HSD17B4: variants seen among roughly 807,000 people sequenced by gnomAD.
HSD17B4 encodes peroxisomal multifunctional enzyme type 2.
HSD17B4 carries 70 observed loss-of-function variants against 101.0 expected under a neutral mutation model. The ratio of observed to expected loss-of-function variants is 0.69; its 90% CI spans 0.57 to 0.85. The LOEUF is 0.85. HSD17B4 is among the 40% of genes least tolerant of loss of function. HSD17B4 has a pLI of 0.00. For missense variants in HSD17B4, 984 were observed against 892.4 expected, an observed-to-expected ratio of 1.10 and a Z score of -1.31; for synonymous variants, 347 against 297.1, an observed-to-expected ratio of 1.17 and a Z score of -1.73.
At chr5:119,536,057 T>C (rs1754506375) in intron 22 of HSD17B4, 1 of 265,982 alleles carries the variant, frequency 3.8e-6, no homozygotes, top group Non-Finnish European at 7.3e-6. Context: ...GTAAGATGCC[T>C]GTAATGAATT....
intron 17 of HSD17B4, among the ~76,000 whole-genome samples, chr5:119,522,329 C>G (rs1315871789): frequency 1.3e-5 from 2 of 152,098 alleles, no homozygotes; most frequent in African/African-American, 2.4e-5. Context: ...TTAATCCAGT[C>G]TATCATTGTT....
At chr5:119,514,726 G>A (rs1457198541) in intron 16 of HSD17B4, among the ~76,000 whole-genome samples, 3 of 152,054 alleles carry the variant, frequency 2.0e-5, no homozygotes, top group Admixed American at 2.0e-4. Context: ...CTCCATTGTG[G>A]CCTGGAGGAT....
At chr5:119,459,275 C>T (rs975276358) in intron 2 of HSD17B4, among the ~76,000 whole-genome samples, 1 of 152,134 alleles carries the variant, frequency 6.6e-6, no homozygotes, top group Non-Finnish European at 1.5e-5. Context: ...TTATAGCTGT[C>T]TTAGCTAACT....
At position 119,490,196 on chromosome 5, in the gene HSD17B4, A is replaced by G. The variant is rs574328719; in HGVS notation, c.714+913A>G. Among the ~76,000 whole-genome samples the G allele has an allele frequency of 6.4e-4, 98 of 152,280 alleles. 2 individuals are homozygous for G. The highest frequency in any genetic ancestry group is 6.8e-3 in the Middle Eastern group (2 of 294). On this transcript the variant is annotated intron_variant, in intron 9 of 23. Coordinates refer to ENST00000510025, the MANE Select transcript of HSD17B4 (RefSeq NM_000414.4). ...AGTTTGCATATCTCTGAGCAGATATATGCACCTCCACTTTCCTAATCACAG... is the reference window on the plus strand; with the variant it reads ...AGTTTGCATATCTCTGAGCAGATATGTGCACCTCCACTTTCCTAATCACAG...
At chr5:119,510,104 T>C (rs1752037820) in intron 16 of HSD17B4, among the ~76,000 whole-genome samples, 1 of 152,200 alleles carries the variant, frequency 6.6e-6, no homozygotes, top group African/African-American at 2.4e-5. Context: ...TACTTTGAAA[T>C]TGTGTGTGTT....
chr5:119,462,265 T>C, intron 2 of HSD17B4, among the ~76,000 whole-genome samples: 2 of 124,046 alleles, frequency 1.6e-5, no homozygotes, highest in African/African-American at 6.9e-5. Context: ...TTTTTTTTTT[T>C]TTTTTTTTTT....
chr5:119,495,514 A>G lies in HSD17B4; in HGVS notation c.869-1029A>G, dbSNP rs906065941. 5.9e-5 allele frequency among the ~76,000 whole-genome samples: 9 copies of G among 152,146 alleles called. 1 individual carries two copies. The highest frequency in any genetic ancestry group is 1.2e-4 in the African/African-American group (5 of 41,444). ...AGCCAAGAAGTAATTCATGTTGTCT[A>G]TTTCTGGAAGGAGGTGGCTTTCAAC... On this transcript the variant is annotated intron_variant, in intron 11 of 23. Transcript: ENST00000510025.
At chr5:119,455,496 G>T (rs1167777002) in intron 1 of HSD17B4, among the ~76,000 whole-genome samples, 1 of 150,888 alleles carries the variant, frequency 6.6e-6, no homozygotes, top group Non-Finnish European at 1.5e-5. Context: ...CAGCCTGGGC[G>T]ACAGAGTGAG....
At chr5:119,530,714 T>G (rs940886130) in intron 21 of HSD17B4, among the ~76,000 whole-genome samples, 2 of 151,068 alleles carry the variant, frequency 1.3e-5, no homozygotes, top group Non-Finnish European at 3.0e-5. Context: ...TTAGCCAGCC[T>G]TGGTGGCAGG....
chr5:119,489,079 C>A, intron 8 of HSD17B4, 113 bp from the exon 9 acceptor site: 1 of 736,172 alleles, frequency 1.4e-6, no homozygotes, highest in Non-Finnish European at 2.4e-6. Flanking sequence ...TAGTTATATA[C>A]ATACTAATTT....
chr5:119,506,458 A>G (rs980815939), intron 14 of HSD17B4, among the ~76,000 whole-genome samples: 12 of 152,196 alleles, frequency 7.9e-5, no homozygotes, highest in African/African-American at 2.9e-4. Flanking sequence ...GCTATTGTGA[A>G]TAGTGCCACA....
intron 22 of HSD17B4, 158 bp from the exon 23 acceptor site, chr5:119,536,265 A>G (rs1258373645): frequency 1.4e-6 from 1 of 695,358 alleles, no homozygotes; most frequent in Non-Finnish European, 2.4e-6. Context: ...TTTTTTTCTA[A>G]ATGACAGATA....
chr5:119,541,774 A>G (rs1755013605), intron 23 of HSD17B4, 131 bp from the exon 24 acceptor site: 1 of 663,038 alleles, frequency 1.5e-6, no homozygotes, highest in African/African-American at 1.8e-5. Context: ...TCATTGCTAA[A>G]TAAAGGTTGC....
intron 20 of HSD17B4, among the ~76,000 whole-genome samples, chr5:119,527,635 A>G (rs187961262): frequency 2.9e-3 from 442 of 152,198 alleles, no homozygotes; most frequent in Non-Finnish European, 4.7e-3. Flanking sequence ...TTAATGAAGG[A>G]TCTTGCAATA....
intron 1 of HSD17B4, among the ~76,000 whole-genome samples, chr5:119,455,003 A>G (rs1019882622): frequency 1.3e-5 from 2 of 152,258 alleles, no homozygotes; most frequent in Non-Finnish European, 2.9e-5. Context: ...TATACTAAAT[A>G]TAAATTGTTA....
chr5:119,482,045 T>G (rs976548987), intron 8 of HSD17B4, among the ~76,000 whole-genome samples: 5 of 152,134 alleles, frequency 3.3e-5, no homozygotes, highest in African/African-American at 1.2e-4. Context: ...TGTGGTTTGG[T>G]GTCTGTCATT....
At chr5:119,484,726 G>T (rs1749458463) in intron 8 of HSD17B4, among the ~76,000 whole-genome samples, 1 of 152,062 alleles carries the variant, frequency 6.6e-6, no homozygotes, top group Non-Finnish European at 1.5e-5. Context: ...ATTCATTTTA[G>T]AACTTGGGAT....
At chr5:119,514,095 A>G (rs1485034916) in intron 16 of HSD17B4, among the ~76,000 whole-genome samples, 1 of 152,202 alleles carries the variant, frequency 6.6e-6, no homozygotes, top group Non-Finnish European at 1.5e-5. Flanking sequence ...TAAAACCTGC[A>G]AAATACACTG....
chr5:119,514,899 A>G (rs1395911973), intron 16 of HSD17B4, 82 bp from the exon 17 acceptor site: 1 of 826,432 alleles, frequency 1.2e-6, no homozygotes, highest in Non-Finnish European at 2.2e-6. Context: ...TTGAAACATG[A>G]TTGTGTATCA....
Sources: gnomAD v4.1 joint callset for allele counts (sites outside exome capture counted in the v4.1 genomes callset) on GRCh38, gnomAD v4.1.1 for gene constraint, MANE v1.5 for transcripts, NCBI Gene and HGNC (gene_info 2026-07-23, HGNC 2026-07-21) for gene names.